The following ZNF568 variants were observed in gnomAD, a reference collection of about 807,000 sequenced individuals.
The protein encoded by ZNF568 is p53 inhibitor of SCO2 activation.
Under a neutral mutation model 18.1 loss-of-function variants are expected in ZNF568, and 11 were observed. The observed-to-expected ratio is 0.61, with a 90% confidence interval of 0.38 to 1.00. ZNF568 has a LOEUF of 1.00. ZNF568 is among the 50% of genes least tolerant of loss of function. The pLI is 0.01. For missense variants in ZNF568, 639 were observed against 768.2 expected, an observed-to-expected ratio of 0.83 and a Z score of 1.99; for synonymous variants, 213 against 246.6, an observed-to-expected ratio of 0.86 and a Z score of 1.28.
intron 2 of ZNF568, among the ~76,000 whole-genome samples, chr19:36,918,039 C>T (rs2073380364): frequency 1.3e-5 from 2 of 152,220 alleles, no homozygotes; most frequent in Admixed American, 1.3e-4. Flanking sequence ...AACTCCGCCT[C>T]CCGAGTTCAA....
chr19:36,949,977 A>G lies in ZNF568; in HGVS notation c.824A>G (p.Glu275Gly), dbSNP rs1376199610. The change falls in exon 7 of 7, where the codon GAA becomes GGA. Residue 275 changes from glutamate to glycine, a missense_variant. Coordinates refer to ENST00000333987, the MANE Select transcript of ZNF568 (RefSeq NM_198539.4). ...LITHQKIHTGEKPYKCNECGK... is the reference protein window; with the variant it reads ...LITHQKIHTGGKPYKCNECGK... ...ACACATCAGAAAATTCATACTGGGG[A>G]AAAACCGTATAAGTGTAATGAATGT... is the stretch of plus-strand genomic sequence containing the variant. The G allele has an allele frequency of 6.2e-7, 1 of 1,613,906 alleles. No individual in the cohort carries two copies.
At chr19:36,942,040 A>G (rs1252086237) in intron 6 of ZNF568, among the ~76,000 whole-genome samples, 3 of 149,284 alleles carry the variant, frequency 2.0e-5, no homozygotes, top group African/African-American at 7.4e-5. Flanking sequence ...CTGGAGTGCA[A>G]TGGCGTGATC....
intron 4 of ZNF568, among the ~76,000 whole-genome samples, chr19:36,932,485 G>A (rs2073704406): frequency 6.6e-6 from 1 of 152,130 alleles, no homozygotes. Context: ...AGCTACTTGG[G>A]AAGCTGAGGC....
intron 6 of ZNF568, among the ~76,000 whole-genome samples, chr19:36,939,141 A>G (rs1431241268): frequency 1.3e-5 from 2 of 152,176 alleles, no homozygotes. Context: ...TCCCAAGTTA[A>G]AGAGAGATTA....
chr19:36,991,786 T>C (rs1445027890), exon 4 of ZNF568: 1 of 1,581,268 alleles, frequency 6.3e-7, no homozygotes, highest in African/African-American at 1.3e-5. Context: ...GATCTCCTTA[T>C]TGGAGCAGAA....
At chr19:36,996,128 G>C (rs2146353503) in intron 4 of ZNF568, among the ~76,000 whole-genome samples, 1 of 152,248 alleles carries the variant, frequency 6.6e-6, no homozygotes, top group South Asian at 2.1e-4. Context: ...ACTTTGGGAG[G>C]CTAAGGTGGG....
Position 36,950,519 on chromosome 19 carries a change from A to C in ZNF568, c.1366A>C (p.Ser456Arg). Residue 456 changes from serine (S) to arginine (R), a missense_variant, in exon 7 of 7, where the codon AGC becomes CGC. Ser to Arg is a moderately radical substitution (Grantham distance 110, BLOSUM62 -1). Coordinates refer to ENST00000333987, the MANE Select transcript of ZNF568 (RefSeq NM_198539.4). The part of the protein sequence containing the change: ...YECKECGKAF[S>R]RKENLITHQK... ...ATGTAAGGAATGTGGAAAAGCCTTCAGCAGGAAAGAAAATCTCATTACACA... is the reference window on the plus strand; with the variant it reads ...ATGTAAGGAATGTGGAAAAGCCTTCCGCAGGAAAGAAAATCTCATTACACA... 1 of 1,614,038 alleles carries C rather than the reference A, an allele frequency of 6.2e-7. No individual in the cohort carries two copies. Among genetic ancestry groups the C allele is most frequent in the Non-Finnish European group, 8.5e-7 (1 of 1,179,988 alleles).
intron 6 of ZNF568, among the ~76,000 whole-genome samples, chr19:36,944,122 G>T (rs1428437974): frequency 6.6e-6 from 1 of 151,954 alleles, no homozygotes; most frequent in Non-Finnish European, 1.5e-5. Flanking sequence ...AAATAGGCCA[G>T]TCACGGTGGC....
chr19:36,944,584 C>A (rs28495495), intron 6 of ZNF568, among the ~76,000 whole-genome samples: 26,828 of 151,886 alleles, frequency 0.18, 2,376 homozygotes, highest in Middle Eastern at 0.21. Flanking sequence ...CCAGATAATT[C>A]TTTGCTCTGG....
In ZNF568 at chr19:36,997,153, TAC is replaced by T. The variant is rs746170450; in HGVS notation, c.1068_1069del (p.Tyr356Ter). 6.3e-7 allele frequency: 1 copy of T among 1,586,598 alleles called. No individual in the cohort carries two copies. The highest frequency in any genetic ancestry group is 1.8e-5 in the Admixed American group (1 of 55,882). On this transcript the variant is annotated frameshift_variant, in exon 5 of 5. Coordinates refer to the ZNF568 transcript ENST00000433993. LOFTEE classifies it low-confidence loss of function (END_TRUNC). ...TGAATGCAGGGAGTGTGGAAAGGTG[TAC>T]AGTTGTGCCTCACAGCTGAGTCTAC...
In ZNF568 at chr19:36,937,148, C is replaced by T. The variant is rs1385217597; in HGVS notation, c.264C>T (p.Gly88=). Reference sequence around the variant, plus strand: ...ATCCTTTGCTATTTCTTGTAATAGGCTGTCAAGTCACCAAACCGGATGTGA... The same window carrying T: ...ATCCTTTGCTATTTCTTGTAATAGGTTGTCAAGTCACCAAACCGGATGTGA... ...LENYSNLVTV[G]CQVTKPDVIF... The change falls in exon 6 of 7, where the codon GGC becomes GGT. Residue 88 remains glycine (G), a splice_region_variant and synonymous_variant. Transcript: ENST00000333987. 3 of 1,613,266 alleles carry T rather than the reference C, an allele frequency of 1.9e-6. No individual in the cohort carries two copies. The highest frequency in any genetic ancestry group is 2.5e-6 in the Non-Finnish European group (3 of 1,179,568).
intron 6 of ZNF568, among the ~76,000 whole-genome samples, chr19:36,965,675 A>T (rs1330997077): frequency 6.7e-6 from 1 of 148,200 alleles, no homozygotes; most frequent in East Asian, 2.0e-4. Context: ...CCATTATGGC[A>T]TCCCCCCAGT....
chr19:36,981,878 A>G (rs2074334471), downstream of ZNF568, among the ~76,000 whole-genome samples: 1 of 152,148 alleles, frequency 6.6e-6, no homozygotes, highest in South Asian at 2.1e-4. Context: ...AGTCTCAAAA[A>G]AAAAAGTAAA....
Position 36,925,183 on chromosome 19 carries a change from C to G in ZNF568, c.77-17C>G. 5.0e-6 allele frequency: 8 copies of G among 1,613,636 alleles called. No individual in the cohort carries two copies. The highest frequency in any genetic ancestry group is 6.8e-6 in the Non-Finnish European group (8 of 1,179,592). On this transcript the variant is annotated splice_polypyrimidine_tract_variant and intron_variant, in intron 3 of 6. Transcript: ENST00000333987. The stretch of plus-strand genomic sequence containing the variant: ...CTGAAACTTTGAAGCAAATCTGTTT[C>G]ATTTCTCTTCCCTCAGCTTGGTGTT...
chr19:36,951,019 A>G lies in ZNF568; in HGVS notation c.1866A>G (p.Ala622=), dbSNP rs2074052673. ...KPFECNECGK[A]FSQRASLSIH... is the part of the protein sequence containing the mutation. ...TTGAATGTAATGAATGTGGGAAAGC[A>G]TTCTCTCAAAGAGCATCCCTTTCTA... Residue 622 remains alanine (A), a synonymous_variant, in exon 7 of 7, where the codon GCA becomes GCG. Coordinates refer to ENST00000333987, the MANE Select transcript of ZNF568 (RefSeq NM_198539.4). 5 of 1,611,612 alleles carry G rather than the reference A, an allele frequency of 3.1e-6. No individual in the cohort carries two copies. The East Asian group carries it at 8.9e-5, about 29-fold the overall frequency.
intron 2 of ZNF568, among the ~76,000 whole-genome samples, chr19:36,988,605 T>C (rs1324961193): frequency 1.3e-5 from 2 of 152,128 alleles, no homozygotes; most frequent in African/African-American, 2.4e-5. Context: ...ATTCATGAAG[T>C]ATTCACCCCT....
Position 36,949,226 on chromosome 19 carries a change from AATT to A in ZNF568, c.359-282_359-280del, listed in dbSNP as rs2074016931. 7.2e-5 allele frequency among the ~76,000 whole-genome samples: 11 copies of A among 152,118 alleles called. 1 individual carries two copies. The South Asian group carries it at 2.3e-3, about 32-fold the overall frequency. On this transcript the variant is annotated intron_variant, in intron 6 of 6. Coordinates refer to ENST00000333987, the MANE Select transcript of ZNF568 (RefSeq NM_198539.4). ...ATTTTTGTGTTCACCCTTTCATTTT[AATT>A]ATTCTATTCATTTTGCTGATTTCTG...
At chr19:36,958,056 C>T (rs1421059231) in intron 6 of ZNF568, among the ~76,000 whole-genome samples, 2 of 152,060 alleles carry the variant, frequency 1.3e-5, no homozygotes, top group Non-Finnish European at 2.9e-5. Flanking sequence ...TCTTTAGCCT[C>T]TTGATGTTAT....
downstream of ZNF568, among the ~76,000 whole-genome samples, chr19:36,953,057 T>C (rs1178946583): frequency 4.6e-5 from 7 of 152,272 alleles, no homozygotes; most frequent in African/African-American, 7.2e-5. Context: ...CAGATGCCAG[T>C]ATAACAAATG....
Sources: allele counts gnomAD v4.1 joint callset (sites outside exome capture counted in the v4.1 genomes callset), GRCh38; gene constraint gnomAD v4.1.1; transcripts MANE v1.5; gene names NCBI Gene and HGNC (gene_info 2026-07-23, HGNC 2026-07-21).